ARHGEF11: variants seen among roughly 807,000 people sequenced by gnomAD.
The protein encoded by ARHGEF11 is Rho guanine nucleotide exchange factor 11, also known as Rho guanine exchange factor (GEF) 11.
ARHGEF11 carries 55 observed loss-of-function variants against 193.7 expected under a neutral mutation model. The ratio of observed to expected loss-of-function variants is 0.28; its 90% confidence interval spans 0.23 to 0.36. The LOEUF (loss-of-function observed/expected upper bound fraction) is 0.36, where lower values mean the gene tolerates loss of function less well. ARHGEF11 is among the 10% of genes least tolerant of loss of function. ARHGEF11 has a pLI of 1.00. For synonymous variants in ARHGEF11, 693 were observed against 768.0 expected (o/e 0.90, Z 1.62); for missense variants, 1,723 against 2,005.6 (o/e 0.86, Z 2.69).
chr1:156,998,766 G>C (rs2102647914), intron 1 of ARHGEF11, among the ~76,000 whole-genome samples: 1 of 152,244 alleles, frequency 6.6e-6, no homozygotes, highest in South Asian at 2.1e-4. Context: ...TCTCCTAGAT[G>C]ATCTACTGCC....
rs369861730 is a variant in ARHGEF11 at position 157,044,172 on chromosome 1, C to T, written c.32+127G>A. The T allele has an allele frequency of 6.5e-5, 55 of 852,462 alleles. 1 individual carries two copies. The African/African-American group carries it at 7.9e-4, about 12-fold the overall frequency. The allele number at this position is 852,462 out of a possible 1,614,324, so 52.8% of individuals were successfully genotyped here. ...GGCTGACAGTCCCCAGAGACTAATG[C>T]TCCTAGCCCACCAATTCCCATAGCC... is the stretch of plus-strand genomic sequence containing the variant. On this transcript the variant is annotated intron_variant, in intron 1 of 40. Coordinates refer to ENST00000368194, the MANE Select transcript of ARHGEF11 (RefSeq NM_198236.3).
intron 1 of ARHGEF11, among the ~76,000 whole-genome samples, chr1:156,986,674 C>A (rs1664966974): frequency 6.6e-6 from 1 of 152,350 alleles, no homozygotes; most frequent in South Asian, 2.1e-4. Context: ...ATGAGCACAA[C>A]ATGTGGCTGT....
intron 1 of ARHGEF11, among the ~76,000 whole-genome samples, chr1:157,038,801 G>A (rs537645418): frequency 9.2e-5 from 14 of 152,278 alleles, no homozygotes; most frequent in African/African-American, 3.4e-4. Context: ...GGCCGAGGTG[G>A]GCAGATTGCT....
intron 1 of ARHGEF11, among the ~76,000 whole-genome samples, chr1:157,034,616 T>C (rs1671686961): frequency 6.6e-6 from 1 of 152,188 alleles, no homozygotes; most frequent in Non-Finnish European, 1.5e-5. Context: ...GAATGAGCTG[T>C]GTTCGAGTCA....
At chr1:157,031,901 A>G (rs1393529193) in intron 1 of ARHGEF11, among the ~76,000 whole-genome samples, 3 of 152,248 alleles carry the variant, frequency 2.0e-5, no homozygotes, top group Admixed American at 2.0e-4. Context: ...ACATTCTAAG[A>G]GGCAACAATG....
intron 15 of ARHGEF11, among the ~76,000 whole-genome samples, chr1:156,959,665 T>C (rs1660493440): frequency 6.6e-6 from 1 of 152,222 alleles, no homozygotes; most frequent in South Asian, 2.1e-4. Context: ...GCAAGCTCTG[T>C]TTACCCTATG....
intron 1 of ARHGEF11, among the ~76,000 whole-genome samples, chr1:157,004,538 C>T (rs1450103376): frequency 6.6e-6 from 1 of 152,196 alleles, no homozygotes; most frequent in Non-Finnish European, 1.5e-5. Flanking sequence ...TTCTACTTCT[C>T]CCAACCCCCC....
In ARHGEF11 at chr1:156,986,069, C is replaced by T; in HGVS notation, c.124+13G>A. ...CCTGGCTGTTTTTGTATGTTAATGC[C>T]CAAGGAGGTTACCTGTTGTCTCAGA... is the stretch of plus-strand genomic sequence containing the variant. On this transcript the variant is annotated intron_variant, in intron 2 of 40. Transcript: ENST00000368194. 1 of 1,610,066 alleles carries T rather than the reference C, an allele frequency of 6.2e-7. No individual in the cohort carries two copies. The highest frequency in any genetic ancestry group is 8.5e-7 in the Non-Finnish European group (1 of 1,176,798).
intron 1 of ARHGEF11, among the ~76,000 whole-genome samples, chr1:157,018,879 A>G (rs569445439): frequency 6.6e-6 from 1 of 152,356 alleles, no homozygotes; most frequent in South Asian, 2.1e-4. Flanking sequence ...TGAGGAAAGA[A>G]TATGATTTTC....
intron 40 of ARHGEF11, among the ~76,000 whole-genome samples, chr1:156,936,497 A>AAAAAAAAAAATATAT (rs370282821): frequency 2.1e-4 from 7 of 33,918 alleles, no homozygotes; most frequent in African/African-American, 7.7e-4. Flanking sequence ...AAAAAAAAAA[A>AAAAAAAAAAATATAT]ATATATATAT....
chr1:156,977,203 T>C lies in ARHGEF11; in HGVS notation c.511-149A>G, dbSNP rs115648224. Reference sequence around the variant, plus strand: ...TATTCAGTACCTTGCCGGAATGCAGTAAACACAAAATCTTATTTTGAGTTT... The same window carrying C: ...TATTCAGTACCTTGCCGGAATGCAGCAAACACAAAATCTTATTTTGAGTTT... On this transcript the variant is annotated intron_variant, in intron 6 of 40. Coordinates refer to ENST00000368194, the MANE Select transcript of ARHGEF11 (RefSeq NM_198236.3). 853 of 698,446 alleles carry C rather than the reference T, an allele frequency of 1.2e-3. 1 individual carries two copies. The African/African-American group carries it at 0.013, about 11-fold the overall frequency. 43.3% of individuals were successfully genotyped at this position (698,446 alleles called of 1,614,324 possible).
rs1259844842 is a variant in ARHGEF11, at chr1:156,993,470, C to T, written c.33-7297G>A. On this transcript the variant is annotated intron_variant, in intron 1 of 40. Transcript: ENST00000368194. ...GATGGATAGAGAAAGATAAAAAAAG[C>T]ACACTATACACAGGCTGAGCTAGGT... Among the ~76,000 whole-genome samples, 4 of 152,110 alleles carry T rather than the reference C, an allele frequency of 2.6e-5. No homozygotes were observed. In the East Asian group the frequency reaches 5.8e-4, roughly 22 times the overall value.
At chr1:157,003,329 T>C (rs1667424624) in intron 1 of ARHGEF11, among the ~76,000 whole-genome samples, 1 of 152,234 alleles carries the variant, frequency 6.6e-6, no homozygotes. Flanking sequence ...GACTTTGCCA[T>C]AGATACATCC....
Position 156,978,308 on chromosome 1 carries a change from G to T in ARHGEF11, c.406C>A (p.Pro136Thr), listed in dbSNP as rs777851581. 20 of 1,614,106 alleles carry T rather than the reference G, an allele frequency of 1.2e-5. No homozygotes were observed. Among genetic ancestry groups the T allele is most frequent in the Non-Finnish European group, 1.7e-5 (20 of 1,180,006 alleles). Residue 136 changes from proline to threonine, a missense_variant, in exon 6 of 41, where the codon CCA (proline) becomes ACA (threonine). By Grantham distance (38) the Pro-to-Thr change is conservative. Transcript: ENST00000368194. ...ATTCGGGGAGCTCCTGCTGGGGATGGGTCCTGCTGGAGCCCAGAGATGCCC... is the reference window on the plus strand; with the variant it reads ...ATTCGGGGAGCTCCTGCTGGGGATGTGTCCTGCTGGAGCCCAGAGATGCCC... ...SMGISGLQQDPSPAGAPRITS... is the reference protein window; with the variant it reads ...SMGISGLQQDTSPAGAPRITS...
At chr1:157,033,567 T>G (rs1553235119) in intron 1 of ARHGEF11, among the ~76,000 whole-genome samples, 4 of 152,178 alleles carry the variant, frequency 2.6e-5, no homozygotes, top group Non-Finnish European at 5.9e-5. Flanking sequence ...ACCCTCTATT[T>G]AAAATCTCAC....
At chr1:156,994,840 AATACTACCTTTCTCAAAGG>A (rs370831913) in intron 1 of ARHGEF11, among the ~76,000 whole-genome samples, 29,652 of 152,098 alleles carry the variant, frequency 0.19, 3,037 homozygotes, top group East Asian at 0.33. Flanking sequence ...AAATGTAGGT[AATACTACCTTTCTCAAAGG>A]GTAATTGCGA....
chr1:157,014,967 G>A (rs1669027701), intron 1 of ARHGEF11, among the ~76,000 whole-genome samples: 1 of 152,054 alleles, frequency 6.6e-6, no homozygotes, highest in Non-Finnish European at 1.5e-5. Flanking sequence ...GCTCCATATG[G>A]AACTCTCTAG....
At chr1:156,956,682 CA>C in intron 18 of ARHGEF11, 118 bp from the exon 19 acceptor site, 2 of 1,448,424 alleles carry the variant, frequency 1.4e-6, no homozygotes, top group Non-Finnish European at 1.9e-6. Flanking sequence ...TGAAAGTATT[CA>C]AAGAAAAGTC....
chr1:157,045,920 G>A (rs1260467525), upstream of ARHGEF11, among the ~76,000 whole-genome samples: 2 of 150,822 alleles, frequency 1.3e-5, no homozygotes, highest in East Asian at 1.9e-4. Context: ...TGCGCTGCCC[G>A]CCGCCCGCCG....
Sources: allele counts gnomAD v4.1 joint callset (sites outside exome capture counted in the v4.1 genomes callset), GRCh38; gene constraint gnomAD v4.1.1; transcripts MANE v1.5; gene names NCBI Gene and HGNC (gene_info 2026-07-23, HGNC 2026-07-21).